LRRC4C: variants seen among roughly 807,000 people sequenced by gnomAD.
LRRC4C encodes leucine rich repeat containing 4C, also known as leucine-rich repeat-containing protein 4C.
Under a neutral mutation model 33.6 loss-of-function variants are expected in LRRC4C, and 5 were observed. The observed-to-expected ratio is 0.15, with a 90% CI of 0.08 to 0.31. The LOEUF is 0.31. LRRC4C is among the 10% of genes least tolerant of loss of function. LRRC4C has a pLI of 1.00. For synonymous variants in LRRC4C, 329 were observed against 302.0 expected, an observed-to-expected ratio of 1.09 and a Z score of -0.93; for missense variants, 560 against 796.7, an observed-to-expected ratio of 0.70 and a Z score of 3.58.
chr11:41,289,000 A>G (rs144318511), intron 1 of LRRC4C, among the ~76,000 whole-genome samples: 41 of 152,130 alleles, frequency 2.7e-4, no homozygotes, highest in African/African-American at 9.4e-4. Context: ...AAATCAATTG[A>G]CTAGGGATCA....
chr11:41,357,176 T>A (rs1952192887), intron 1 of LRRC4C, among the ~76,000 whole-genome samples: 1 of 152,136 alleles, frequency 6.6e-6, no homozygotes. Flanking sequence ...GCAGTAGCAC[T>A]ACATTAGTCA....
At chr11:41,263,233 T>C (rs1220907233) in intron 1 of LRRC4C, among the ~76,000 whole-genome samples, 2 of 152,130 alleles carry the variant, frequency 1.3e-5, no homozygotes, top group East Asian at 3.9e-4. Context: ...ACATTTATTA[T>C]TGATTTTTTG....
chr11:40,712,138 A>G (rs888978471), intron 2 of LRRC4C, among the ~76,000 whole-genome samples: 28 of 147,900 alleles, frequency 1.9e-4, no homozygotes, highest in African/African-American at 6.0e-4. Context: ...TGACTTAATT[A>G]AAGTTTTCTT....
At chr11:40,959,268 C>A (rs1959092087) in intron 1 of LRRC4C, among the ~76,000 whole-genome samples, 1 of 151,558 alleles carries the variant, frequency 6.6e-6, no homozygotes, top group Admixed American at 6.6e-5. Context: ...AAAATTGTGT[C>A]TCATAGAATT....
At chr11:40,743,764 T>A (rs1948281158) in intron 2 of LRRC4C, among the ~76,000 whole-genome samples, 1 of 152,156 alleles carries the variant, frequency 6.6e-6, no homozygotes, top group Non-Finnish European at 1.5e-5. Context: ...TATGAAAATA[T>A]GACCTTCAAG....
Position 40,176,612 on chromosome 11 carries a change from C to T in LRRC4C, c.-95-35759G>A, listed in dbSNP as rs1590623003. 3.3e-5 allele frequency among the ~76,000 whole-genome samples: 5 copies of T among 151,100 alleles called. No individual in the cohort carries two copies. In the East Asian group the frequency reaches 9.8e-4, roughly 30 times the overall value. ...ATCAGTGCAGTTGGTACAAACATAG[C>T]TCGTTGCAGACTTGAAGTCCTTGCC... On this transcript the variant is annotated intron_variant, in intron 5 of 6. Transcript: ENST00000528697.
intron 1 of LRRC4C, among the ~76,000 whole-genome samples, chr11:41,196,060 G>A (rs114370510): frequency 0.017 from 2,569 of 152,034 alleles, 70 homozygotes; most frequent in African/African-American, 0.059. Flanking sequence ...TGCTTATTTG[G>A]ACACAATAGA....
At chr11:40,438,157 T>A (rs1231782699) in intron 3 of LRRC4C, among the ~76,000 whole-genome samples, 1 of 152,196 alleles carries the variant, frequency 6.6e-6, no homozygotes, top group African/African-American at 2.4e-5. Context: ...TTTTCACCAC[T>A]AGGCATGGTC....
chr11:40,856,085 T>C (rs1165214149), intron 2 of LRRC4C, among the ~76,000 whole-genome samples: 1 of 152,152 alleles, frequency 6.6e-6, no homozygotes, highest in African/African-American at 2.4e-5. Context: ...ATCTCTACTT[T>C]GAACTGAAAC....
At chr11:40,934,517 CTTAG>C (rs1218298490) in intron 1 of LRRC4C, among the ~76,000 whole-genome samples, 8 of 152,168 alleles carry the variant, frequency 5.3e-5, no homozygotes, top group Admixed American at 3.3e-4. Context: ...GTAAATTAGA[CTTAG>C]TTAGTACTGC....
chr11:40,257,724 C>A (rs1867329381), intron 4 of LRRC4C, among the ~76,000 whole-genome samples: 1 of 152,078 alleles, frequency 6.6e-6, no homozygotes, highest in Non-Finnish European at 1.5e-5. Flanking sequence ...TTTACTTGGC[C>A]TATGTCATGT....
intron 1 of LRRC4C, among the ~76,000 whole-genome samples, chr11:41,140,107 G>A (rs781404168): frequency 3.9e-5 from 6 of 152,086 alleles, no homozygotes; most frequent in Non-Finnish European, 7.4e-5. Context: ...CTGACTTTGA[G>A]CTTCTTCATC....
intron 3 of LRRC4C, among the ~76,000 whole-genome samples, chr11:40,332,976 T>C (rs941709952): frequency 1.3e-5 from 2 of 152,220 alleles, no homozygotes; most frequent in African/African-American, 4.8e-5. Context: ...ACCATGTTTA[T>C]CACACATAAA....
chr11:40,505,298 C>A (rs1175671934), intron 3 of LRRC4C, among the ~76,000 whole-genome samples: 1 of 152,170 alleles, frequency 6.6e-6, no homozygotes, highest in Non-Finnish European at 1.5e-5. Context: ...CAACTGTTGA[C>A]ACCTTACTTC....
intron 1 of LRRC4C, among the ~76,000 whole-genome samples, chr11:41,207,809 A>G (rs1411703657): frequency 6.6e-6 from 1 of 152,148 alleles, no homozygotes; most frequent in Non-Finnish European, 1.5e-5. Context: ...ACTCTGTAGT[A>G]TTTTGTTTTG....
chr11:40,889,788 A>C (rs1955620761), intron 2 of LRRC4C, among the ~76,000 whole-genome samples: 1 of 152,132 alleles, frequency 6.6e-6, no homozygotes, highest in Non-Finnish European at 1.5e-5. Flanking sequence ...AAGTTACCCA[A>C]GTTCTCTGAA....
chr11:40,830,173 GA>G (rs1262923769), intron 2 of LRRC4C, among the ~76,000 whole-genome samples: 1 of 152,082 alleles, frequency 6.6e-6, no homozygotes, highest in Non-Finnish European at 1.5e-5. Context: ...GTTAACTACT[GA>G]AATTTATTCA....
At chr11:40,970,743 G>C (rs550517310) in intron 1 of LRRC4C, among the ~76,000 whole-genome samples, 1 of 152,282 alleles carries the variant, frequency 6.6e-6, no homozygotes, top group East Asian at 1.9e-4. Flanking sequence ...AATGCTGATA[G>C]TGATATGGAC....
At chr11:40,944,397 A>T (rs560576934) in intron 1 of LRRC4C, among the ~76,000 whole-genome samples, 1 of 152,318 alleles carries the variant, frequency 6.6e-6, no homozygotes, top group African/African-American at 2.4e-5. Context: ...AAAATTATAA[A>T]TCTGCAAGAC....
Sources: allele counts gnomAD v4.1 joint callset (sites outside exome capture counted in the v4.1 genomes callset), GRCh38; gene constraint gnomAD v4.1.1; transcripts MANE v1.5; gene names NCBI Gene and HGNC (gene_info 2026-07-23, HGNC 2026-07-21).